ROBO2: variants seen among roughly 807,000 people sequenced by gnomAD.
ROBO2 encodes roundabout guidance receptor 2.
A neutral mutation model predicts 160.8 loss-of-function variants in ROBO2; 53 were observed. That is an observed-to-expected ratio of 0.33 (90% CI 0.26 to 0.41). ROBO2 has a LOEUF of 0.41. Among genes scored for constraint, ROBO2 ranks in the 10% least tolerant of loss-of-function variants. The pLI is 1.00. For synonymous variants in ROBO2, 664 were observed against 611.7 expected, an observed-to-expected ratio of 1.09 and a Z score of -1.26; for missense variants, 1,577 against 1,722.4, an observed-to-expected ratio of 0.92 and a Z score of 1.49.
intron 2 of ROBO2, among the ~76,000 whole-genome samples, chr3:77,266,300 G>A (rs566242829): frequency 6.6e-6 from 1 of 151,826 alleles, no homozygotes; most frequent in East Asian, 1.9e-4. Context: ...ACCTTGATAT[G>A]GACAATCATT....
chr3:76,971,202 C>T (rs554703672), intron 2 of ROBO2, among the ~76,000 whole-genome samples: 19 of 152,230 alleles, frequency 1.2e-4, no homozygotes, highest in African/African-American at 4.6e-4. Context: ...TTATTCCGAA[C>T]ATAATCTACT....
At chr3:77,338,453 T>C (rs1303482106) in intron 2 of ROBO2, among the ~76,000 whole-genome samples, 2 of 152,168 alleles carry the variant, frequency 1.3e-5, no homozygotes, top group African/African-American at 2.4e-5. Context: ...ATTAAGCTTA[T>C]GTTTATCTGA....
intron 2 of ROBO2, among the ~76,000 whole-genome samples, chr3:77,292,635 A>C (rs560825256): frequency 6.6e-6 from 1 of 151,478 alleles, no homozygotes; most frequent in Non-Finnish European, 1.5e-5. Context: ...TTAAACAGGA[A>C]GTTGAGGCTA....
At chr3:77,196,911 G>C (rs942506342) in intron 2 of ROBO2, among the ~76,000 whole-genome samples, 9 of 151,344 alleles carry the variant, frequency 5.9e-5, no homozygotes, top group Non-Finnish European at 8.8e-5. Context: ...TCAAAAAAGG[G>C]CAAAATATGA....
chr3:77,314,732 G>C (rs990973064), intron 2 of ROBO2, among the ~76,000 whole-genome samples: 2 of 152,048 alleles, frequency 1.3e-5, no homozygotes, highest in Admixed American at 6.6e-5. Flanking sequence ...TGTACACAAG[G>C]CATTATATAT....
chr3:76,159,470 T>G (rs2072535947), intron 2 of ROBO2, among the ~76,000 whole-genome samples: 1 of 152,276 alleles, frequency 6.6e-6, no homozygotes, highest in Admixed American at 6.5e-5. Flanking sequence ...TTTTAAATTT[T>G]TTTTGGACTG....
intron 2 of ROBO2, among the ~76,000 whole-genome samples, chr3:76,747,458 A>C (rs2093912535): frequency 6.6e-6 from 1 of 152,078 alleles, no homozygotes. Context: ...AAACAAAAAT[A>C]AAAATATTTG....
At chr3:76,964,239 T>C (rs908292767) in intron 2 of ROBO2, among the ~76,000 whole-genome samples, 2 of 152,200 alleles carry the variant, frequency 1.3e-5, no homozygotes, top group Non-Finnish European at 2.9e-5. Context: ...TGGAATCACA[T>C]AGGTTTTAAT....
chr3:76,321,416 T>C (rs934401427), intron 2 of ROBO2, among the ~76,000 whole-genome samples: 4 of 151,942 alleles, frequency 2.6e-5, no homozygotes, highest in Admixed American at 6.6e-5. Flanking sequence ...GGCAGGAGAA[T>C]CTCTTGAACC....
At chr3:77,222,674 AC>A (rs1560277782) in intron 2 of ROBO2, among the ~76,000 whole-genome samples, 1 of 152,144 alleles carries the variant, frequency 6.6e-6, no homozygotes, top group East Asian at 1.9e-4. Flanking sequence ...TTACTATAAA[AC>A]TTTTCTTTAA....
chr3:77,298,001 T>G (rs1337824185), intron 2 of ROBO2, among the ~76,000 whole-genome samples: 3 of 152,052 alleles, frequency 2.0e-5, no homozygotes, highest in Non-Finnish European at 4.4e-5. Context: ...CATCAGTGGA[T>G]GGGCTACCTA....
intron 2 of ROBO2, among the ~76,000 whole-genome samples, chr3:77,293,473 G>A (rs1370024995): frequency 1.4e-5 from 2 of 148,008 alleles, no homozygotes; most frequent in African/African-American, 2.6e-5. Flanking sequence ...ACGGTTAAAT[G>A]GGTAAGCTGA....
intron 2 of ROBO2, among the ~76,000 whole-genome samples, chr3:76,018,614 A>T (rs542121300): frequency 2.6e-5 from 4 of 152,060 alleles, no homozygotes; most frequent in Admixed American, 6.6e-5. Context: ...TTCAAAAAAA[A>T]TTGTTTTTTT....
chr3:77,057,064 A>C (rs2065822510), intron 1 of ROBO2, among the ~76,000 whole-genome samples: 1 of 152,132 alleles, frequency 6.6e-6, no homozygotes, highest in East Asian at 1.9e-4. Context: ...AACCAACCCA[A>C]ATGTCCATCA....
chr3:76,369,758 A>G (rs1244403817), intron 2 of ROBO2, among the ~76,000 whole-genome samples: 2 of 151,932 alleles, frequency 1.3e-5, no homozygotes, highest in Non-Finnish European at 2.9e-5. Flanking sequence ...GTTGATATAC[A>G]TACTAAATAT....
intron 2 of ROBO2, among the ~76,000 whole-genome samples, chr3:76,198,318 G>T (rs1702358095): frequency 6.6e-6 from 1 of 152,032 alleles, no homozygotes; most frequent in East Asian, 1.9e-4. Flanking sequence ...TCCTCCCTTT[G>T]GAATTTAGGC....
intron 2 of ROBO2, among the ~76,000 whole-genome samples, chr3:76,860,671 T>C (rs991105276): frequency 6.6e-6 from 1 of 152,138 alleles, no homozygotes; most frequent in African/African-American, 2.4e-5. Context: ...ACCTAACCCA[T>C]GTGTTTTCCA....
At chr3:77,034,595 A>T (rs890408840) in intron 2 of ROBO2, among the ~76,000 whole-genome samples, 1 of 151,838 alleles carries the variant, frequency 6.6e-6, no homozygotes, top group African/African-American at 2.4e-5. Context: ...AGAATAAGCA[A>T]TTTTTTTCTA....
chr3:76,949,260 T>A (rs867726490), intron 2 of ROBO2, among the ~76,000 whole-genome samples: 35 of 152,172 alleles, frequency 2.3e-4, no homozygotes, highest in African/African-American at 7.9e-4. Flanking sequence ...CTCATGTGTT[T>A]CTCAATTTTT....
Sources: gnomAD v4.1 joint callset for allele counts (sites outside exome capture counted in the v4.1 genomes callset) on GRCh38, gnomAD v4.1.1 for gene constraint, MANE v1.5 for transcripts, NCBI Gene and HGNC (gene_info 2026-07-23, HGNC 2026-07-21) for gene names.